The following MYCBP2 variants were observed in gnomAD, a reference collection of about 807,000 sequenced individuals.
The protein encoded by MYCBP2 is MYC binding protein 2, also known as E3 ubiquitin-protein ligase MYCBP2.
In MYCBP2, 120 loss-of-function variants were observed where a neutral mutation model predicts 525.3. The ratio of observed to expected loss-of-function variants is 0.23; its 90% CI spans 0.20 to 0.27. MYCBP2 has a LOEUF of 0.27. Ranked by LOEUF, MYCBP2 falls within the 10% of genes least tolerant of loss-of-function variation. The probability of loss-of-function intolerance (pLI) is 1.00; values close to 1 mark genes in which losing one functional copy is unlikely to be tolerated. For missense variants in MYCBP2, 4,149 were observed against 5,657.1 expected (o/e 0.73, Z 8.55); for synonymous variants, 1,894 against 1,955.8 (o/e 0.97, Z 0.83).
chr13:77,255,886 C>T (rs901002816), intron 14 of MYCBP2, among the ~76,000 whole-genome samples: 4 of 151,906 alleles, frequency 2.6e-5, no homozygotes, highest in African/African-American at 9.7e-5. Flanking sequence ...AAGTTCAACG[C>T]TTAGTTCTAA....
intron 14 of MYCBP2, among the ~76,000 whole-genome samples, chr13:77,253,412 T>C (rs1395264610): frequency 1.3e-5 from 2 of 151,958 alleles, no homozygotes; most frequent in African/African-American, 4.8e-5. Flanking sequence ...GTAGTATCTA[T>C]ATATAATTTA....
rs77570008 is a variant in MYCBP2, at chr13:77,250,266, G to C, written c.2381+885C>G. 6.3e-3 allele frequency among the ~76,000 whole-genome samples: 954 copies of C among 151,942 alleles called. 10 individuals are homozygous for C. The highest frequency in any genetic ancestry group is 0.052 in the East Asian group (268 of 5,166). ...ATATCTCAGCAGCCTTAAAGAAAAG[G>C]CCTGTTATATATGACCTATTTAACT... On this transcript the variant is annotated intron_variant, in intron 15 of 82. Coordinates refer to ENST00000544440, the MANE Select transcript of MYCBP2 (RefSeq NM_015057.5).
intron 11 of MYCBP2, 99 bp downstream of exon 11, chr13:77,261,954 T>G (rs866073292): frequency 1.1e-6 from 1 of 914,224 alleles, no homozygotes; most frequent in Non-Finnish European, 1.6e-6. Flanking sequence ...AAAAGATGAT[T>G]CTTCTTAAAC....
At chr13:77,258,779 C>T (rs541006684) in intron 13 of MYCBP2, among the ~76,000 whole-genome samples, 1 of 152,004 alleles carries the variant, frequency 6.6e-6, no homozygotes, top group South Asian at 2.1e-4. Context: ...GCTTTGAGAC[C>T]TTACATGATG....
At chr13:77,283,695 G>A (rs1230589155) in intron 3 of MYCBP2, among the ~76,000 whole-genome samples, 1 of 152,032 alleles carries the variant, frequency 6.6e-6, no homozygotes, top group East Asian at 1.9e-4. Flanking sequence ...TCAAGAGTTC[G>A]AGACCAGCCT....
chr13:77,149,064 ACTCTAT>A (rs1325106482), intron 47 of MYCBP2, among the ~76,000 whole-genome samples: 1 of 151,862 alleles, frequency 6.6e-6, no homozygotes, highest in Non-Finnish European at 1.5e-5. Context: ...CAAATATGTA[ACTCTAT>A]CTCTATTAAT....
chr13:77,181,741 C>A lies in MYCBP2; in HGVS notation c.4901G>T (p.Arg1634Leu). 3 of 1,613,958 alleles carry A rather than the reference C, an allele frequency of 1.9e-6. No individual in the cohort carries two copies. The Middle Eastern group carries it at 5.0e-4, about 267-fold the overall frequency. The change falls in exon 33 of 83, where the codon CGT (arginine) becomes CTT (leucine). Residue 1634 changes from arginine (R) to leucine (L), a missense_variant. Around this residue, in one of 21 missense-constraint regions of MYCBP2, gnomAD observed 292 missense variants for 330.5 expected, o/e 0.88. Coordinates refer to ENST00000544440, the MANE Select transcript of MYCBP2 (RefSeq NM_015057.5). ...STENDSTLVH[R>L]FPLLVAHMEK... Reference sequence around the variant, plus strand: ...CATATGTGCCACCAAAAGGGGAAAACGATGAACTAGTGTTGAGTCGTTCTC... The same window carrying A: ...CATATGTGCCACCAAAAGGGGAAAAAGATGAACTAGTGTTGAGTCGTTCTC...
At chr13:77,205,650 G>A in intron 24 of MYCBP2, 52 bp from the exon 25 acceptor site, 2 of 1,520,872 alleles carry the variant, frequency 1.3e-6, no homozygotes, top group Non-Finnish European at 8.9e-7. Flanking sequence ...AATGTCCTAT[G>A]GTATTGATGA....
intron 14 of MYCBP2, among the ~76,000 whole-genome samples, chr13:77,252,261 T>A (rs1054983121): frequency 1.3e-5 from 2 of 152,212 alleles, no homozygotes; most frequent in African/African-American, 2.4e-5. Flanking sequence ...ATACAAATCT[T>A]TGTCACATTT....
At chr13:77,045,574 GA>G (rs2154042159) in intron 82 of MYCBP2, 81 bp from the exon 83 acceptor site, 1 of 810,888 alleles carries the variant, frequency 1.2e-6, no homozygotes, top group African/African-American at 1.7e-5. Flanking sequence ...ATAAATCACT[GA>G]TAGGTTATTC....
In MYCBP2 at chr13:77,185,388, GA is replaced by G; in HGVS notation, c.4445-12del. The stretch of plus-strand genomic sequence containing the variant: ...CTGCTTTTCCTGTAGCTTTGAGGGG[GA>G]AAAAGCAGATTGGTAATTAAGCAAA... On this transcript the variant is annotated splice_polypyrimidine_tract_variant and intron_variant, in intron 31 of 82. Coordinates refer to ENST00000544440, the MANE Select transcript of MYCBP2 (RefSeq NM_015057.5). The G allele has an allele frequency of 6.3e-7, 1 of 1,598,352 alleles. No homozygotes were observed. The highest frequency in any genetic ancestry group is 8.5e-7 in the Non-Finnish European group (1 of 1,172,118).
intron 39 of MYCBP2, 89 bp from the exon 40 acceptor site, chr13:77,168,735 TAAC>T: frequency 8.5e-7 from 1 of 1,179,528 alleles, no homozygotes; most frequent in Admixed American, 2.3e-5. Context: ...GTTACTCTAA[TAAC>T]AATTTCCATC....
intron 63 of MYCBP2, 79 bp from the exon 64 acceptor site, chr13:77,082,072 G>C: frequency 5.8e-6 from 7 of 1,215,782 alleles, no homozygotes; most frequent in Non-Finnish European, 7.9e-6. Context: ...TGAGTACTCT[G>C]TAGCTAATAT....
At chr13:77,312,010 C>A (rs1460622445) in intron 1 of MYCBP2, among the ~76,000 whole-genome samples, 2 of 152,116 alleles carry the variant, frequency 1.3e-5, no homozygotes, top group East Asian at 3.9e-4. Flanking sequence ...AAAAAAATTA[C>A]ACACCACACA....
chr13:77,126,365 G>A lies in MYCBP2; in HGVS notation c.7837C>T (p.Pro2613Ser). Reference sequence around the variant, plus strand: ...TTTCCCAGAACTAACATTCCAATTGGGATACCTCTAAGGTTAGGGCAGCTT... The same window carrying A: ...TTTCCCAGAACTAACATTCCAATTGAGATACCTCTAAGGTTAGGGCAGCTT... ...IRSCPNLRGI[P>S]IGMLVLGNKV... is the part of the protein sequence containing the mutation. Residue 2613 changes from proline (P) to serine (S), a missense_variant, in exon 53 of 83, where the codon CCA (proline) becomes TCA (serine). Coordinates refer to ENST00000544440, the MANE Select transcript of MYCBP2 (RefSeq NM_015057.5). 1 of 1,613,794 alleles carries A rather than the reference G, an allele frequency of 6.2e-7. No homozygotes were observed. Among genetic ancestry groups the A allele is most frequent in the Non-Finnish European group, 8.5e-7 (1 of 1,179,818 alleles).
chr13:77,257,720 A>G lies in MYCBP2; in HGVS notation c.2127T>C (p.Asn709=). The G allele has an allele frequency of 6.2e-7, 1 of 1,612,832 alleles. No individual in the cohort carries two copies. Among genetic ancestry groups the G allele is most frequent in the Non-Finnish European group, 8.5e-7 (1 of 1,179,548 alleles). The change falls in exon 14 of 83, where the codon AAT becomes AAC. Residue 709 remains asparagine, a synonymous_variant. Transcript: ENST00000544440. ...CAGTATCTCGTCCACACTGTCCTTT[A>G]TTATTTACACCAAATGTCCACACCT... ...NGEVWTFGVN[N]KGQCGRDTGA...
intron 27 of MYCBP2, 58 bp from the exon 28 acceptor site, chr13:77,191,871 T>A: frequency 6.5e-7 from 1 of 1,543,096 alleles, no homozygotes; most frequent in Non-Finnish European, 8.8e-7. Context: ...TCACATATAT[T>A]TATTTTTTCA....
Position 77,169,138 on chromosome 13 carries a change from G to A in MYCBP2, c.5895+476C>T, listed in dbSNP as rs563641678. On this transcript the variant is annotated intron_variant, in intron 39 of 82. Coordinates refer to ENST00000544440, the MANE Select transcript of MYCBP2 (RefSeq NM_015057.5). The stretch of plus-strand genomic sequence containing the variant: ...ATGTAAAGCCAACAGGCCGGGCGCG[G>A]TGGCTCACGCCTGTAATCCCAGCAC... 5.3e-5 allele frequency among the ~76,000 whole-genome samples: 8 copies of A among 152,328 alleles called. No individual in the cohort carries two copies. The East Asian group carries it at 1.5e-3, about 29-fold the overall frequency.
At chr13:77,305,975 T>C (rs1329524714) in intron 1 of MYCBP2, among the ~76,000 whole-genome samples, 1 of 152,258 alleles carries the variant, frequency 6.6e-6, no homozygotes, top group African/African-American at 2.4e-5. Context: ...CACTTAGGCA[T>C]AGGAGGAAAA....
Sources: gnomAD v4.1 joint callset for allele counts (sites outside exome capture counted in the v4.1 genomes callset) on GRCh38, gnomAD v4.1.1 for gene constraint, gnomAD v4.1.1 regional missense constraint, MANE v1.5 for transcripts, NCBI Gene and HGNC (gene_info 2026-07-23, HGNC 2026-07-21) for gene names.